SFI1: variants seen among roughly 807,000 people sequenced by gnomAD.
The protein encoded by SFI1 is SFI1 centrin binding protein, also known as protein SFI1 homolog.
SFI1 carries 195 observed loss-of-function variants against 207.5 expected under a neutral mutation model. That is an observed-to-expected ratio of 0.94 (90% confidence interval 0.84 to 1.06). The LOEUF (loss-of-function observed/expected upper bound fraction) is 1.06, where lower values mean the gene tolerates loss of function less well. SFI1 is among the 50% of genes least tolerant of loss of function. The probability of loss-of-function intolerance (pLI) is 0.00; values close to 1 mark genes in which losing one functional copy is unlikely to be tolerated. For synonymous variants in SFI1, 630 were observed against 598.9 expected (o/e 1.05, Z -0.76); for missense variants, 1,634 against 1,588.0 (o/e 1.03, Z -0.49).
Position 31,575,296 on chromosome 22 carries a change from T to A in SFI1, c.988T>A (p.Trp330Arg). The A allele has an allele frequency of 6.2e-7, 1 of 1,612,914 alleles. No homozygotes were observed. The highest frequency in any genetic ancestry group is 8.5e-7 in the Non-Finnish European group (1 of 1,179,596). The change falls in exon 10 of 33, where the codon TGG (tryptophan) becomes AGG (arginine). Residue 330 changes from tryptophan to arginine, a missense_variant. Transcript: ENST00000400288. ...ATACTTCTGTGACTGGCAGCAGGCC[T>A]GGGAGCGGAGGGAGAGCTTGTACGC... ...QIYFCDWQQA[W>R]ERRESLYAHH...
chr22:31,598,033 A>G (rs1189285965), intron 15 of SFI1, among the ~76,000 whole-genome samples: 4 of 151,176 alleles, frequency 2.6e-5, no homozygotes, highest in African/African-American at 7.3e-5. Context: ...GCTGGAGTGC[A>G]GTGGCGTGAT....
At chr22:31,498,121 C>A (rs111553097) in intron 1 of SFI1, among the ~76,000 whole-genome samples, 2 of 151,976 alleles carry the variant, frequency 1.3e-5, no homozygotes, top group Non-Finnish European at 2.9e-5. Flanking sequence ...AGTGAAACCC[C>A]GTCTCAACTA....
intron 12 of SFI1, among the ~76,000 whole-genome samples, chr22:31,580,934 A>G (rs1449922536): frequency 6.6e-6 from 1 of 152,180 alleles, no homozygotes; most frequent in East Asian, 1.9e-4. Context: ...AGAAATGGAT[A>G]GTTGACTCAA....
chr22:31,615,361 C>T, intron 29 of SFI1, 82 bp downstream of exon 29: 2 of 1,286,432 alleles, frequency 1.6e-6, no homozygotes, highest in East Asian at 2.7e-5. Context: ...CACAGCTGTA[C>T]TAGTTTCTGG....
intron 8 of SFI1, among the ~76,000 whole-genome samples, chr22:31,563,838 C>T (rs554332704): frequency 2.6e-5 from 4 of 151,984 alleles, no homozygotes. Flanking sequence ...ACCTGCCCCT[C>T]GGCCTCCCAA....
intron 2 of SFI1, among the ~76,000 whole-genome samples, chr22:31,518,058 C>T (rs1392618381): frequency 2.0e-5 from 3 of 152,158 alleles, no homozygotes; most frequent in Non-Finnish European, 4.4e-5. Flanking sequence ...ACAATCTTGG[C>T]GCACTGCAAT....
At chr22:31,602,400 C>T in intron 16 of SFI1, 107 bp downstream of exon 16, 1 of 1,233,148 alleles carries the variant, frequency 8.1e-7, no homozygotes, top group Non-Finnish European at 1.2e-6. Flanking sequence ...CACTGGAGGG[C>T]CCCTGCCTGT....
At position 31,556,979 on chromosome 22, in the gene SFI1, G is replaced by T. The variant is rs369404082; in HGVS notation, c.582G>T (p.Trp194Cys). ...AGATGCGACAGGCCTGGAAGTCCTG[G>T]TTGATCTACGTGGTTGTTCGTAGGA... The part of the protein sequence containing the change: ...KQKMRQAWKS[W>C]LIYVVVRRTK... The change falls in exon 7 of 33, where the codon TGG (tryptophan) becomes TGT (cysteine). Residue 194 changes from tryptophan (W) to cysteine (C), a missense_variant. Trp to Cys is a radical substitution (Grantham distance 215, BLOSUM62 -2). Coordinates refer to ENST00000400288, the MANE Select transcript of SFI1 (RefSeq NM_001007467.3). 6.8e-6 allele frequency: 11 copies of T among 1,611,574 alleles called. No individual in the cohort carries two copies. The highest frequency in any genetic ancestry group is 4.0e-5 in the African/African-American group (3 of 74,862).
intron 3 of SFI1, 147 bp from the exon 4 acceptor site, chr22:31,530,911 A>G (rs1269887955): frequency 1.6e-6 from 1 of 629,640 alleles, no homozygotes; most frequent in African/African-American, 1.8e-5. Context: ...GCCCTGTATG[A>G]TGCAAAATTA....
chr22:31,564,925 T>G (rs1602820636), intron 8 of SFI1, among the ~76,000 whole-genome samples: 1 of 148,554 alleles, frequency 6.7e-6, no homozygotes, highest in East Asian at 2.0e-4. Flanking sequence ...GTCATTCTCC[T>G]GCCTCAGCCT....
chr22:31,500,310 G>A (rs1348331331), intron 1 of SFI1, among the ~76,000 whole-genome samples: 2 of 148,410 alleles, frequency 1.3e-5, no homozygotes, highest in South Asian at 2.1e-4. Flanking sequence ...AAAATAAATT[G>A]CCATAGCCAT....
Position 31,566,356 on chromosome 22 carries a change from G to GTGT in SFI1, c.765+4967_765+4969dup, listed in dbSNP as rs560118773. ...GATCCGCCTGCCTCTGCCTCCCAAAGTGTTGGGATTACAGGCGTGAGCCAC... is the reference window on the plus strand; with the variant it reads ...GATCCGCCTGCCTCTGCCTCCCAAAGTGTTGTTGGGATTACAGGCGTGAGCCAC... On this transcript the variant is annotated intron_variant, in intron 8 of 32. Coordinates refer to ENST00000400288, the MANE Select transcript of SFI1 (RefSeq NM_001007467.3). 3.3e-4 allele frequency among the ~76,000 whole-genome samples: 51 copies of GTGT among 152,242 alleles called. No homozygotes were observed. The South Asian group carries it at 7.5e-3, about 22-fold the overall frequency.
At chr22:31,612,159 A>T in intron 24 of SFI1, 2 of 787,152 alleles carry the variant, frequency 2.5e-6, no homozygotes, top group Non-Finnish European at 3.1e-6. Context: ...CAGGCGGATC[A>T]TGAGGTCAGG....
intron 2 of SFI1, among the ~76,000 whole-genome samples, chr22:31,526,494 G>C (rs559439253): frequency 6.6e-6 from 1 of 152,300 alleles, no homozygotes; most frequent in South Asian, 2.1e-4. Context: ...CCCATGACAC[G>C]TGGGGATTAT....
At chr22:31,536,231 T>C (rs2058983888) in intron 4 of SFI1, among the ~76,000 whole-genome samples, 1 of 152,140 alleles carries the variant, frequency 6.6e-6, no homozygotes, top group African/African-American at 2.4e-5. Context: ...GCCCTCGTGC[T>C]GGAGAGGATA....
chr22:31,600,018 C>T (rs1405952838), intron 15 of SFI1, among the ~76,000 whole-genome samples: 1 of 152,072 alleles, frequency 6.6e-6, no homozygotes, highest in Non-Finnish European at 1.5e-5. Context: ...CCACCACCCC[C>T]AACCAGTGGT....
intron 2 of SFI1, among the ~76,000 whole-genome samples, chr22:31,508,904 C>T (rs1171984988): frequency 2.0e-5 from 3 of 152,142 alleles, no homozygotes; most frequent in Non-Finnish European, 4.4e-5. Flanking sequence ...TTCCTCTATA[C>T]CCACAAGTTT....
At chr22:31,613,253 C>T in intron 25 of SFI1, 37 bp downstream of exon 25, 1 of 1,612,794 alleles carries the variant, frequency 6.2e-7, no homozygotes, top group Non-Finnish European at 8.5e-7. Context: ...CCCTGCCTCT[C>T]CCTCAGGCCT....
chr22:31,500,785 T>G (rs2053614434), intron 1 of SFI1, among the ~76,000 whole-genome samples: 1 of 122,334 alleles, frequency 8.2e-6, no homozygotes. Flanking sequence ...TGTGTGTGTG[T>G]TTGTTTTGTT....
Sources: gnomAD v4.1 joint callset for allele counts (sites outside exome capture counted in the v4.1 genomes callset) on GRCh38, gnomAD v4.1.1 for gene constraint, MANE v1.5 for transcripts, NCBI Gene and HGNC (gene_info 2026-07-23, HGNC 2026-07-21) for gene names.